Variants in GLIS3 observed in about 807,000 individuals in gnomAD.
GLIS3 encodes GLIS family zinc finger 3.
In GLIS3, 53 loss-of-function variants were observed where a neutral mutation model predicts 78.6. The observed-to-expected ratio is 0.67, with a 90% CI of 0.54 to 0.85. The LOEUF is 0.85. Ranked by LOEUF, GLIS3 falls within the 40% of genes least tolerant of loss-of-function variation. GLIS3 has a pLI of 0.00. For synonymous variants in GLIS3, 684 were observed against 509.9 expected (o/e 1.34, Z -4.60); for missense variants, 1,703 against 1,231.1 (o/e 1.38, Z -5.74).
chr9:4,313,842 G>T (rs1017737023), intron 2 of GLIS3, among the ~76,000 whole-genome samples: 10 of 152,198 alleles, frequency 6.6e-5, no homozygotes, highest in African/African-American at 2.4e-4. Context: ...CAGGAGGTAG[G>T]TGATCAGCGT....
intron 4 of GLIS3, among the ~76,000 whole-genome samples, chr9:4,085,739 C>T (rs1483548592): frequency 6.6e-6 from 1 of 152,082 alleles, no homozygotes; most frequent in Non-Finnish European, 1.5e-5. Context: ...TCAGTGAATT[C>T]TCATGAGATC....
chr9:3,907,467 G>C (rs982066122), intron 6 of GLIS3, among the ~76,000 whole-genome samples: 6 of 152,026 alleles, frequency 3.9e-5, no homozygotes, highest in Non-Finnish European at 5.9e-5. Context: ...TATAAATGTG[G>C]CAGAAACTAC....
intron 2 of GLIS3, among the ~76,000 whole-genome samples, chr9:4,281,511 T>G (rs1259254499): frequency 6.6e-6 from 1 of 152,222 alleles, no homozygotes; most frequent in Admixed American, 6.5e-5. Flanking sequence ...TCCAGGAACT[T>G]CATACAAAAG....
intron 2 of GLIS3, among the ~76,000 whole-genome samples, chr9:4,248,882 C>T (rs1327388450): frequency 6.6e-6 from 1 of 152,118 alleles, no homozygotes; most frequent in Non-Finnish European, 1.5e-5. Flanking sequence ...ACATAAATGT[C>T]TTCTTTTGAG....
chr9:4,179,666 T>G (rs543581611), intron 2 of GLIS3, among the ~76,000 whole-genome samples: 1 of 152,122 alleles, frequency 6.6e-6, no homozygotes, highest in Non-Finnish European at 1.5e-5. Context: ...TCCTAGCACT[T>G]TGGGAGGCTG....
At chr9:4,240,342 C>T (rs1018199754) in intron 2 of GLIS3, among the ~76,000 whole-genome samples, 3 of 152,138 alleles carry the variant, frequency 2.0e-5, no homozygotes, top group South Asian at 2.1e-4. Context: ...AACACCAGTG[C>T]TGATCTGACA....
intron 4 of GLIS3, among the ~76,000 whole-genome samples, chr9:4,098,708 T>C (rs1253843939): frequency 6.6e-6 from 1 of 152,240 alleles, no homozygotes; most frequent in Non-Finnish European, 1.5e-5. Flanking sequence ...CTTTTTACTT[T>C]CTGTTTATCG....
At position 4,131,155 on chromosome 9, in the gene GLIS3, C is replaced by T. The variant is rs150731981; in HGVS notation, c.389-5214G>A. On this transcript the variant is annotated intron_variant, in intron 2 of 10. Transcript: ENST00000381971. ...GGGAATGTTTACCCAATGTCTGTACCTCCATTGTATCTTAGCAGTAATTAA... is the reference window on the plus strand; with the variant it reads ...GGGAATGTTTACCCAATGTCTGTACTTCCATTGTATCTTAGCAGTAATTAA... 7.9e-5 allele frequency among the ~76,000 whole-genome samples: 12 copies of T among 152,308 alleles called. No individual in the cohort carries two copies. The East Asian group carries it at 2.3e-3, about 29-fold the overall frequency.
At chr9:3,976,096 G>A (rs1178199943) in intron 4 of GLIS3, among the ~76,000 whole-genome samples, 3 of 152,058 alleles carry the variant, frequency 2.0e-5, no homozygotes, top group Non-Finnish European at 4.4e-5. Context: ...ACCATCCCTA[G>A]AAGATTTTGG....
the GLIS3 span, among the ~76,000 whole-genome samples, chr9:4,353,880 T>C: frequency 2.3e-3 from 343 of 152,144 alleles, no homozygotes; most frequent in African/African-American, 7.8e-3. Context: ...CAGGATGGAG[T>C]GCAGTGGCGC....
chr9:3,954,311 C>A (rs1192052069), intron 4 of GLIS3, among the ~76,000 whole-genome samples: 2 of 152,184 alleles, frequency 1.3e-5, no homozygotes, highest in African/African-American at 2.4e-5. Context: ...AAAGAGGCAA[C>A]CCTCCTGCCA....
At position 4,283,134 on chromosome 9, in the gene GLIS3, G is replaced by A. The variant is rs548506403; in HGVS notation, c.388+2904C>T. On this transcript the variant is annotated intron_variant, in intron 2 of 10. Coordinates refer to ENST00000381971, the MANE Select transcript of GLIS3 (RefSeq NM_001042413.2). ...ACACACACACACAGGAATGCACTTT[G>A]CAGGATTGCAAAGCTAGCTCTTTAC... 3.1e-3 allele frequency among the ~76,000 whole-genome samples: 470 copies of A among 151,646 alleles called. 5 individuals carry two copies. Among genetic ancestry groups the A allele is most frequent in the Non-Finnish European group, 4.8e-3 (325 of 67,962 alleles).
intron 2 of GLIS3, among the ~76,000 whole-genome samples, chr9:4,262,232 C>T (rs1183942393): frequency 6.6e-6 from 1 of 152,070 alleles, no homozygotes. Flanking sequence ...TGTCACTAGC[C>T]ATTTCTTGAG....
At chr9:4,409,585 T>C in the GLIS3 span, among the ~76,000 whole-genome samples, 1 of 152,156 alleles carries the variant, frequency 6.6e-6, no homozygotes, top group Non-Finnish European at 1.5e-5. Flanking sequence ...AGAATGATTG[T>C]CACAGGGTGA....
At chr9:4,294,015 C>T (rs552335189) in intron 1 of GLIS3, among the ~76,000 whole-genome samples, 1 of 152,304 alleles carries the variant, frequency 6.6e-6, no homozygotes, top group East Asian at 1.9e-4. Flanking sequence ...GTTAATTCTA[C>T]AAACCGCCTT....
At chr9:3,854,701 T>C (rs932344356) in intron 9 of GLIS3, among the ~76,000 whole-genome samples, 4 of 42,108 alleles carry the variant, frequency 9.5e-5, no homozygotes, top group South Asian at 1.0e-3. Context: ...CACGCCTGGC[T>C]AATTTTTTTT....
chr9:3,897,656 G>T lies in GLIS3; in HGVS notation c.2128+1035C>A, dbSNP rs564274480. Among the ~76,000 whole-genome samples, 22 of 152,262 alleles carry T rather than the reference G, an allele frequency of 1.4e-4. No homozygotes were observed. The South Asian group carries it at 4.6e-3, about 32-fold the overall frequency. The stretch of plus-strand genomic sequence containing the variant: ...AAAGGTCCAATGGGCCATGATTAAG[G>T]CCCAGTTTTGATGACTGATGCTCTT... On this transcript the variant is annotated intron_variant, in intron 7 of 10. Coordinates refer to ENST00000381971, the MANE Select transcript of GLIS3 (RefSeq NM_001042413.2).
At chr9:3,894,815 C>G (rs10974061) in intron 7 of GLIS3, among the ~76,000 whole-genome samples, 22,060 of 151,888 alleles carry the variant, frequency 0.15, 1,924 homozygotes, top group Non-Finnish European at 0.19. Flanking sequence ...TTTTATAACC[C>G]AGTACAATTG....
chr9:4,404,069 G>A, the GLIS3 span, among the ~76,000 whole-genome samples: 2 of 152,282 alleles, frequency 1.3e-5, no homozygotes, highest in East Asian at 1.9e-4. Flanking sequence ...AAGAGTAGGA[G>A]TAGCTATACT....
Sources: gnomAD v4.1 joint callset for allele counts (sites outside exome capture counted in the v4.1 genomes callset) on GRCh38, gnomAD v4.1.1 for gene constraint, MANE v1.5 for transcripts, NCBI Gene and HGNC (gene_info 2026-07-23, HGNC 2026-07-21) for gene names.